Variants in TLCD4 observed in about 807,000 individuals in gnomAD.
TLCD4 encodes TLC domain-containing protein 4.
TLCD4 carries 7 observed loss-of-function variants against 24.2 expected under a neutral mutation model. That is an observed-to-expected ratio of 0.29 (90% CI 0.16 to 0.54). The LOEUF is 0.54. Ranked by LOEUF, TLCD4 falls within the 20% of genes least tolerant of loss-of-function variation. The probability of loss-of-function intolerance (pLI) is 0.95; values close to 1 mark genes in which losing one functional copy is unlikely to be tolerated. For synonymous variants in TLCD4, 103 were observed against 106.4 expected (o/e 0.97, Z 0.20); for missense variants, 259 against 313.9 (o/e 0.82, Z 1.32).
intron 2 of TLCD4, 46 bp from the exon 3 acceptor site, chr1:95,148,656 A>G: frequency 6.2e-7 from 1 of 1,608,512 alleles, no homozygotes; most frequent in Middle Eastern, 1.7e-4. Context: ...ATTAAATTTT[A>G]TTGCAAAGAA....
chr1:95,105,561 A>T, the TLCD4 span, among the ~76,000 whole-genome samples: 2 of 152,172 alleles, frequency 1.3e-5, no homozygotes, highest in Non-Finnish European at 2.9e-5. Flanking sequence ...GAAAATATTT[A>T]TTTATTTTTA....
the TLCD4 span, among the ~76,000 whole-genome samples, chr1:95,101,052 C>T: frequency 0.036 from 5,476 of 151,562 alleles, 157 homozygotes; most frequent in East Asian, 0.11. Flanking sequence ...GGATTACAGG[C>T]GCCCGCCAAT....
intron 6 of TLCD4, among the ~76,000 whole-genome samples, chr1:95,190,510 G>A (rs1420889589): frequency 2.0e-5 from 3 of 152,086 alleles, no homozygotes; most frequent in Non-Finnish European, 1.5e-5. Flanking sequence ...TGTATTTTTA[G>A]TAGAGACGGG....
At chr1:95,150,157 C>A in intron 3 of TLCD4, 51 bp from the exon 4 acceptor site, 1 of 1,559,952 alleles carries the variant, frequency 6.4e-7, no homozygotes, top group Admixed American at 2.0e-5. Context: ...AAAGAAGTAG[C>A]GGTCATCTAC....
intron 6 of TLCD4, 112 bp downstream of exon 6, chr1:95,174,001 T>C: frequency 7.0e-7 from 1 of 1,419,076 alleles, no homozygotes; most frequent in South Asian, 1.3e-5. Flanking sequence ...GGATCTGTGA[T>C]ATGAATTGTT....
intron 5 of TLCD4, among the ~76,000 whole-genome samples, chr1:95,163,009 T>C (rs1422670618): frequency 2.0e-5 from 3 of 151,656 alleles, no homozygotes; most frequent in African/African-American, 7.3e-5. Context: ...GGAGTATCTT[T>C]GTGGTGTTCT....
rs987215269 is a variant in TLCD4 at position 95,176,579 on chromosome 1, T to A, written c.473+2690T>A. On this transcript the variant is annotated intron_variant, in intron 6 of 6. Coordinates refer to ENST00000370203, the MANE Select transcript of TLCD4 (RefSeq NM_152487.3). ...TCAAATACATGATTTGGAAATATTT[T>A]CATCTATTCCATAGGTTGCTTTTTC... 2.6e-5 allele frequency among the ~76,000 whole-genome samples: 4 copies of A among 152,236 alleles called. No individual in the cohort carries two copies. The East Asian group carries it at 7.7e-4, about 29-fold the overall frequency.
chr1:95,144,239 A>G (rs952380707), intron 2 of TLCD4, among the ~76,000 whole-genome samples, 183 bp downstream of exon 2: 8 of 152,236 alleles, frequency 5.3e-5, no homozygotes. Flanking sequence ...GAATTCATAT[A>G]TTGAAAGATG....
chr1:95,126,228 A>T (rs777929688), intron 1 of TLCD4, among the ~76,000 whole-genome samples: 11 of 152,130 alleles, frequency 7.2e-5, no homozygotes, highest in Non-Finnish European at 1.3e-4. Flanking sequence ...GGAGTTTAAG[A>T]CCAGCCTGGC....
chr1:95,114,362 G>T (rs1288395266), upstream of TLCD4, among the ~76,000 whole-genome samples: 1 of 152,154 alleles, frequency 6.6e-6, no homozygotes, highest in African/African-American at 2.4e-5. Context: ...GCGTCATTTA[G>T]TTTGTATCTT....
At chr1:95,130,817 C>G (rs1186338873) in intron 1 of TLCD4, among the ~76,000 whole-genome samples, 41 of 152,246 alleles carry the variant, frequency 2.7e-4, no homozygotes, top group Non-Finnish European at 1.2e-4. Flanking sequence ...GAATGTATAT[C>G]ATGTTAAAAG....
chr1:95,173,119 CATG>C (rs1678284816), intron 5 of TLCD4, among the ~76,000 whole-genome samples: 1 of 152,160 alleles, frequency 6.6e-6, no homozygotes, highest in East Asian at 1.9e-4. Flanking sequence ...TCAGAACAAA[CATG>C]GTGGCATGTG....
At chr1:95,186,459 G>A (rs1406841911) in intron 6 of TLCD4, among the ~76,000 whole-genome samples, 2 of 152,222 alleles carry the variant, frequency 1.3e-5, no homozygotes, top group Admixed American at 1.3e-4. Context: ...TTTGGATTAG[G>A]TAGGAAAGGA....
intron 1 of TLCD4, among the ~76,000 whole-genome samples, chr1:95,124,450 T>C (rs1354824661): frequency 2.6e-5 from 4 of 152,154 alleles, no homozygotes; most frequent in Non-Finnish European, 4.4e-5. Flanking sequence ...ATATTTGCAA[T>C]GGCCACATCC....
chr1:95,148,590 C>G (rs1677410373), intron 2 of TLCD4, 112 bp from the exon 3 acceptor site: 4 of 1,426,588 alleles, frequency 2.8e-6, no homozygotes, highest in Non-Finnish European at 2.8e-6. Context: ...TACTTCACAC[C>G]TGTATATAAA....
chr1:95,137,687 T>TTCTTTCCTCCTCCTCTTCTTTTC (rs1553169108), intron 1 of TLCD4, among the ~76,000 whole-genome samples: 1 of 151,824 alleles, frequency 6.6e-6, no homozygotes, highest in Non-Finnish European at 1.5e-5. Flanking sequence ...CTCTCTGTCC[T>TTCTTTCCTCCTCCTCTTCTTTTC]TCTTTCCTCC....
chr1:95,151,531 G>T, intron 5 of TLCD4, 112 bp downstream of exon 5: 1 of 1,233,862 alleles, frequency 8.1e-7, no homozygotes, highest in Non-Finnish European at 1.1e-6. Flanking sequence ...ACCATCTCCA[G>T]ATGCATTCAG....
At chr1:95,102,842 C>A in the TLCD4 span, among the ~76,000 whole-genome samples, 9 of 151,982 alleles carry the variant, frequency 5.9e-5, no homozygotes, top group African/African-American at 2.2e-4. Context: ...ATGGAAAGCT[C>A]AAGGGCTAGG....
chr1:95,134,040 T>C (rs139165116), intron 1 of TLCD4, among the ~76,000 whole-genome samples: 2 of 152,102 alleles, frequency 1.3e-5, no homozygotes, highest in Non-Finnish European at 2.9e-5. Context: ...GTTGTAATAC[T>C]GCACAGCTTG....
Sources: gnomAD v4.1 joint callset for allele counts (sites outside exome capture counted in the v4.1 genomes callset) on GRCh38, gnomAD v4.1.1 for gene constraint, MANE v1.5 for transcripts, NCBI Gene and HGNC (gene_info 2026-07-23, HGNC 2026-07-21) for gene names.